DCDC1: variants seen among roughly 807,000 people sequenced by gnomAD.
DCDC1 encodes the protein doublecortin domain-containing protein 1.
In DCDC1, 200 loss-of-function variants were observed where a neutral mutation model predicts 178.3. The observed-to-expected ratio is 1.12, with a 90% confidence interval of 1.00 to 1.26. DCDC1 has a LOEUF of 1.26. Ranked by LOEUF, DCDC1 falls within the 50% of genes most tolerant of loss-of-function variation. The pLI is 0.00. For synonymous variants in DCDC1, 690 were observed against 604.8 expected, an observed-to-expected ratio of 1.14 and a Z score of -2.07; for missense variants, 1,983 against 1,749.2, an observed-to-expected ratio of 1.13 and a Z score of -2.38.
At chr11:31,019,619 A>C (rs1952734358) in intron 20 of DCDC1, among the ~76,000 whole-genome samples, 2 of 152,166 alleles carry the variant, frequency 1.3e-5, no homozygotes, top group Admixed American at 1.3e-4. Flanking sequence ...GAATAGCATA[A>C]CTGGTATGAT....
chr11:31,360,876 T>C (rs1167121273), intron 1 of DCDC1, among the ~76,000 whole-genome samples: 1 of 152,178 alleles, frequency 6.6e-6, no homozygotes. Flanking sequence ...GGACCTACTC[T>C]ATAGATAAAG....
intron 10 of DCDC1, among the ~76,000 whole-genome samples, chr11:31,128,772 A>G (rs189650465): frequency 1.3e-5 from 2 of 152,306 alleles, no homozygotes; most frequent in Non-Finnish European, 1.5e-5. Context: ...AAAAATGGAG[A>G]GCCCACTGTC....
At chr11:31,246,182 C>T (rs1943552990) in intron 8 of DCDC1, among the ~76,000 whole-genome samples, 1 of 151,954 alleles carries the variant, frequency 6.6e-6, no homozygotes, top group South Asian at 2.1e-4. Context: ...TAATCAAAGG[C>T]TTTAATAACT....
At chr11:31,129,095 A>T (rs1962062976) in intron 10 of DCDC1, among the ~76,000 whole-genome samples, 1 of 152,126 alleles carries the variant, frequency 6.6e-6, no homozygotes, top group South Asian at 2.1e-4. Flanking sequence ...CTGATGTTAA[A>T]TCCATTATTT....
chr11:31,120,541 T>A (rs1960646885), intron 11 of DCDC1, among the ~76,000 whole-genome samples: 1 of 152,170 alleles, frequency 6.6e-6, no homozygotes. Context: ...TCAGACCTAA[T>A]TTCAAAGAGA....
At chr11:31,172,428 T>C (rs1967363331) in intron 9 of DCDC1, among the ~76,000 whole-genome samples, 1 of 152,152 alleles carries the variant, frequency 6.6e-6, no homozygotes, top group Non-Finnish European at 1.5e-5. Context: ...TCCATCTCTA[T>C]TATTGTCTAT....
At chr11:31,227,885 A>G (rs1449052002) in intron 9 of DCDC1, among the ~76,000 whole-genome samples, 1 of 152,096 alleles carries the variant, frequency 6.6e-6, no homozygotes, top group Non-Finnish European at 1.5e-5. Flanking sequence ...TGGACTTCAG[A>G]ACAAAGAATA....
intron 23 of DCDC1, among the ~76,000 whole-genome samples, chr11:30,923,250 T>C (rs1020291066): frequency 1.3e-5 from 2 of 152,158 alleles, no homozygotes; most frequent in Non-Finnish European, 2.9e-5. Flanking sequence ...AGGCACCATA[T>C]GGCCCACAAA....
At chr11:31,252,660 G>C (rs1392279747) in intron 8 of DCDC1, among the ~76,000 whole-genome samples, 2 of 152,026 alleles carry the variant, frequency 1.3e-5, no homozygotes, top group African/African-American at 2.4e-5. Context: ...AGGATGATGA[G>C]AAGCCAGATA....
intron 7 of DCDC1, among the ~76,000 whole-genome samples, chr11:31,279,800 G>A (rs1408924677): frequency 6.6e-6 from 1 of 151,986 alleles, no homozygotes; most frequent in African/African-American, 2.4e-5. Context: ...ACAGTTTGAT[G>A]GGTGCAGCAA....
At chr11:31,015,935 T>C (rs1418260456) in intron 20 of DCDC1, among the ~76,000 whole-genome samples, 2 of 152,176 alleles carry the variant, frequency 1.3e-5, no homozygotes, top group Admixed American at 6.5e-5. Flanking sequence ...ATGTCTAACA[T>C]GCAAAGGTCA....
chr11:31,266,951 C>CA (rs1216118896), intron 7 of DCDC1, among the ~76,000 whole-genome samples: 1 of 152,078 alleles, frequency 6.6e-6, no homozygotes, highest in African/African-American at 2.4e-5. Context: ...ATTAATTTGA[C>CA]AAATTGGTCT....
chr11:30,928,456 C>T (rs112470019), intron 22 of DCDC1, among the ~76,000 whole-genome samples: 4,032 of 151,176 alleles, frequency 0.027, 170 homozygotes, highest in African/African-American at 0.091. Context: ...AATTTAACTA[C>T]GCCACTCTTA....
intron 33 of DCDC1, 123 bp from the exon 34 acceptor site, chr11:30,899,765 G>T: frequency 1.4e-6 from 1 of 701,520 alleles, no homozygotes; most frequent in Non-Finnish European, 2.1e-6. Context: ...AAAAGGTAAG[G>T]GTCATTAAAA....
intron 21 of DCDC1, 107 bp downstream of exon 21, chr11:30,952,338 C>T (rs1433941031): frequency 9.6e-7 from 1 of 1,039,914 alleles, no homozygotes; most frequent in African/African-American, 1.6e-5. Context: ...TATCTTGCAC[C>T]TAACAGCTGC....
At chr11:31,005,250 T>C (rs1306385117) in intron 20 of DCDC1, among the ~76,000 whole-genome samples, 1 of 152,216 alleles carries the variant, frequency 6.6e-6, no homozygotes, top group African/African-American at 2.4e-5. Flanking sequence ...CTGTATCGCA[T>C]TGTTAGTCCA....
intron 20 of DCDC1, among the ~76,000 whole-genome samples, chr11:30,992,179 T>C (rs931362579): frequency 6.6e-6 from 1 of 152,210 alleles, no homozygotes; most frequent in Admixed American, 6.5e-5. Flanking sequence ...TATAAATTGC[T>C]AACAAGTCAT....
Position 31,295,963 on chromosome 11 carries a change from T to A in DCDC1, c.755-5111A>T, listed in dbSNP as rs566113818. Among the ~76,000 whole-genome samples the A allele has an allele frequency of 8.5e-5, 13 of 152,336 alleles. No homozygotes were observed. In the South Asian group the frequency reaches 2.5e-3, roughly 29 times the overall value. ...ACTTTCTAATTGTATATGATTCTCC[T>A]CCATCACATCTGACATTCTATACAC... is the stretch of plus-strand genomic sequence containing the variant. On this transcript the variant is annotated intron_variant, in intron 6 of 38. Transcript: ENST00000684477.
chr11:31,294,477 G>A (rs1156911938), intron 6 of DCDC1, among the ~76,000 whole-genome samples: 3 of 150,430 alleles, frequency 2.0e-5, no homozygotes, highest in African/African-American at 7.4e-5. Context: ...CAGCTACTCG[G>A]GAGGCTGAGG....
Sources: gnomAD v4.1 joint callset for allele counts (sites outside exome capture counted in the v4.1 genomes callset) on GRCh38, gnomAD v4.1.1 for gene constraint, MANE v1.5 for transcripts, NCBI Gene and HGNC (gene_info 2026-07-23, HGNC 2026-07-21) for gene names.